TAF3: variants seen among roughly 807,000 people sequenced by gnomAD.
The protein encoded by TAF3 is transcription initiation factor TFIID subunit 3.
Under a neutral mutation model 80.6 loss-of-function variants are expected in TAF3, and 7 were observed. The observed-to-expected ratio is 0.09, with a 90% CI of 0.05 to 0.16. The LOEUF (loss-of-function observed/expected upper bound fraction) is 0.16, where lower values mean the gene tolerates loss of function less well. Ranked by LOEUF, TAF3 falls within the 10% of genes least tolerant of loss-of-function variation. The pLI, the probability that TAF3 is intolerant of heterozygous loss-of-function variation, is 1.00. For synonymous variants in TAF3, 444 were observed against 446.1 expected (o/e 1.00, Z 0.06); for missense variants, 921 against 1,140.2 (o/e 0.81, Z 2.77).
chr10:7,902,214 G>A (rs957484990), intron 2 of TAF3, among the ~76,000 whole-genome samples: 1 of 152,002 alleles, frequency 6.6e-6, no homozygotes, highest in African/African-American at 2.4e-5. Flanking sequence ...ACTTGAGGTC[G>A]GGAGTTCGAG....
intron 4 of TAF3, among the ~76,000 whole-genome samples, chr10:8,002,289 T>C (rs1381494710): frequency 6.6e-6 from 1 of 152,194 alleles, no homozygotes; most frequent in Non-Finnish European, 1.5e-5. Context: ...TTCATTGATA[T>C]CCCGTATTTC....
intron 2 of TAF3, among the ~76,000 whole-genome samples, chr10:7,938,544 AC>A (rs58756353): frequency 0.17 from 25,281 of 152,170 alleles, 2,312 homozygotes; most frequent in East Asian, 0.29. Flanking sequence ...GAGAATTTGA[AC>A]GGCCAGTCAG....
chr10:7,879,840 A>T (rs1011384992), intron 2 of TAF3, among the ~76,000 whole-genome samples: 1 of 152,208 alleles, frequency 6.6e-6, no homozygotes, highest in Admixed American at 6.5e-5. Flanking sequence ...ACATATTTGG[A>T]TTTTTAACAT....
intron 4 of TAF3, among the ~76,000 whole-genome samples, chr10:7,993,153 T>C (rs1831850172): frequency 6.6e-6 from 1 of 152,202 alleles, no homozygotes; most frequent in African/African-American, 2.4e-5. Context: ...CCTGTTATTT[T>C]TAATCCACAC....
intron 2 of TAF3, among the ~76,000 whole-genome samples, chr10:7,905,807 C>T (rs1044134271): frequency 5.9e-5 from 9 of 152,024 alleles, no homozygotes; most frequent in East Asian, 1.9e-4. Context: ...TGCTTGAACC[C>T]GGGAGGTGGA....
chr10:8,000,596 G>T (rs150988399), intron 4 of TAF3, among the ~76,000 whole-genome samples: 1 of 151,568 alleles, frequency 6.6e-6, no homozygotes, highest in Non-Finnish European at 1.5e-5. Flanking sequence ...GCAAAACCCC[G>T]TCTCTACACA....
At chr10:7,954,052 C>T (rs1421957745) in intron 2 of TAF3, among the ~76,000 whole-genome samples, 2 of 131,252 alleles carry the variant, frequency 1.5e-5, no homozygotes, top group East Asian at 5.1e-4. Context: ...ACTCCATAGG[C>T]GAATGAGTGA....
chr10:7,940,830 T>C (rs113936432), intron 2 of TAF3, among the ~76,000 whole-genome samples: 2,232 of 151,654 alleles, frequency 0.015, 30 homozygotes, highest in South Asian at 0.05. Context: ...GGTATGATGG[T>C]GCATGGCTGT....
At chr10:7,845,293 GC>G (rs1564346008) in intron 2 of TAF3, among the ~76,000 whole-genome samples, 3 of 151,160 alleles carry the variant, frequency 2.0e-5, no homozygotes, top group Non-Finnish European at 2.9e-5. Context: ...TTTTGACGCC[GC>G]CCTCCAGGTC....
At chr10:8,007,081 G>A (rs1358554737) in intron 4 of TAF3, among the ~76,000 whole-genome samples, 1 of 152,190 alleles carries the variant, frequency 6.6e-6, no homozygotes, top group Non-Finnish European at 1.5e-5. Flanking sequence ...GGGGCTTGGA[G>A]AAGTCCTTGA....
intron 2 of TAF3, among the ~76,000 whole-genome samples, chr10:7,872,771 G>T (rs1458612670): frequency 6.6e-6 from 1 of 152,062 alleles, no homozygotes; most frequent in Non-Finnish European, 1.5e-5. Flanking sequence ...ATACAATTTT[G>T]ATACAGATAT....
At chr10:7,977,422 T>G in intron 4 of TAF3, 99 bp downstream of exon 4, 1 of 1,145,986 alleles carries the variant, frequency 8.7e-7, no homozygotes, top group Non-Finnish European at 1.3e-6. Flanking sequence ...CTCCCAGGTA[T>G]GAACCTGTAG....
chr10:7,835,961 C>T lies in TAF3; in HGVS notation c.409+11401C>T, dbSNP rs1027716296. ...GGATTCCCCTTATTGAAGCTTTTTG[C>T]TGCTTTCATCACTGTTGGGCAATTC... On this transcript the variant is annotated intron_variant, in intron 2 of 6. Transcript: ENST00000344293. 6.6e-5 allele frequency among the ~76,000 whole-genome samples: 10 copies of T among 152,144 alleles called. 1 individual carries two copies. Among genetic ancestry groups the T allele is most frequent in the African/African-American group, 2.4e-4 (10 of 41,426 alleles).
At chr10:7,970,362 A>G (rs185190831) in intron 3 of TAF3, among the ~76,000 whole-genome samples, 1 of 152,358 alleles carries the variant, frequency 6.6e-6, no homozygotes, top group East Asian at 1.9e-4. Context: ...TTCTCCCAAC[A>G]GCTCTGAGGG....
chr10:7,963,666 G>A (rs889636283), intron 2 of TAF3, among the ~76,000 whole-genome samples: 1 of 152,062 alleles, frequency 6.6e-6, no homozygotes, highest in Non-Finnish European at 1.5e-5. Flanking sequence ...TTGGGAGGTC[G>A]GGGGCTGGGG....
intron 2 of TAF3, among the ~76,000 whole-genome samples, chr10:7,951,225 G>C (rs765291484): frequency 3.9e-5 from 6 of 152,230 alleles, no homozygotes; most frequent in Non-Finnish European, 7.3e-5. Context: ...TAGCTAACAT[G>C]CTGTTGTGTA....
At chr10:7,981,396 G>T (rs1453904175) in intron 4 of TAF3, among the ~76,000 whole-genome samples, 2 of 152,132 alleles carry the variant, frequency 1.3e-5, no homozygotes, top group African/African-American at 2.4e-5. Flanking sequence ...GGGGTGACTG[G>T]TTGGGCCCCT....
intron 2 of TAF3, among the ~76,000 whole-genome samples, chr10:7,830,622 T>TA (rs1267211321): frequency 1.3e-5 from 2 of 151,802 alleles, no homozygotes; most frequent in Non-Finnish European, 2.9e-5. Context: ...TAGCTGCAAT[T>TA]ACAGGTGCAT....
chr10:7,904,518 ATAAT>A (rs1396013182), intron 2 of TAF3, among the ~76,000 whole-genome samples: 6 of 152,164 alleles, frequency 3.9e-5, no homozygotes, highest in Admixed American at 6.5e-5. Context: ...TATTTGTTGG[ATAAT>A]TAAATGACTG....
Sources: gnomAD v4.1 joint callset for allele counts (sites outside exome capture counted in the v4.1 genomes callset) on GRCh38, gnomAD v4.1.1 for gene constraint, MANE v1.5 for transcripts, NCBI Gene and HGNC (gene_info 2026-07-23, HGNC 2026-07-21) for gene names.